FILIP1: variants seen among roughly 807,000 people sequenced by gnomAD.
The protein encoded by FILIP1 is filamin A interacting protein 1.
FILIP1 carries 61 observed loss-of-function variants against 102.1 expected under a neutral mutation model. The observed-to-expected ratio is 0.60, with a 90% CI of 0.49 to 0.74. The LOEUF is 0.74. Among genes scored for constraint, FILIP1 ranks in the 30% least tolerant of loss-of-function variants. The pLI, the probability that FILIP1 is intolerant of heterozygous loss-of-function variation, is 0.00. For synonymous variants in FILIP1, 491 were observed against 526.9 expected (o/e 0.93, Z 0.93); for missense variants, 1,314 against 1,441.2 (o/e 0.91, Z 1.43).
At chr6:75,353,165 C>G (rs191310106) in intron 4 of FILIP1, among the ~76,000 whole-genome samples, 1 of 151,496 alleles carries the variant, frequency 6.6e-6, no homozygotes, top group African/African-American at 2.4e-5. Context: ...TGTAACAAAC[C>G]TGCACGTTGT....
At chr6:75,384,726 T>C (rs1413719592) in intron 2 of FILIP1, 1 of 151,848 alleles carries the variant, frequency 6.6e-6, no homozygotes. Flanking sequence ...TCTAATTGGC[T>C]CCAAGCCTTA....
chr6:75,419,964 T>C (rs1044519497), intron 1 of FILIP1, among the ~76,000 whole-genome samples: 16 of 152,200 alleles, frequency 1.1e-4, no homozygotes, highest in African/African-American at 3.9e-4. Flanking sequence ...AAAATATTTG[T>C]TTTACTTCTA....
chr6:75,336,507 G>GA (rs529331422), intron 4 of FILIP1, among the ~76,000 whole-genome samples: 54 of 145,458 alleles, frequency 3.7e-4, no homozygotes, highest in African/African-American at 1.0e-3. Context: ...AAACCCATGT[G>GA]AAAAAAAAAA....
Position 75,296,265 on chromosome 6 carries a change from A to T in FILIP1, c.3494-315T>A, listed in dbSNP as rs1772665076. 2.0e-5 allele frequency among the ~76,000 whole-genome samples: 3 copies of T among 151,630 alleles called. No individual in the cohort carries two copies. The South Asian group carries it at 6.2e-4, about 31-fold the overall frequency. On this transcript the variant is annotated intron_variant, in intron 6 of 6. Transcript: ENST00000393004. Reference sequence around the variant, plus strand: ...TACAAACCCCTTAATGAGAAACCAGACTATTTCCTAGAAGTAACTCTAATC... The same window carrying T: ...TACAAACCCCTTAATGAGAAACCAGTCTATTTCCTAGAAGTAACTCTAATC...
chr6:75,441,888 A>G (rs1200779725), intron 1 of FILIP1, among the ~76,000 whole-genome samples: 8 of 109,712 alleles, frequency 7.3e-5, no homozygotes, highest in African/African-American at 2.9e-4. Flanking sequence ...CGGGGGGTAG[A>G]CCCCCCCACC....
intron 2 of FILIP1, among the ~76,000 whole-genome samples, chr6:75,393,873 C>T (rs148033027): frequency 7.2e-4 from 110 of 152,310 alleles, no homozygotes; most frequent in Middle Eastern, 3.4e-3. Flanking sequence ...AATTTCCTTT[C>T]TACTTTGTCC....
At chr6:75,445,617 ATTT>A (rs200129252) in intron 1 of FILIP1, among the ~76,000 whole-genome samples, 1 of 144,958 alleles carries the variant, frequency 6.9e-6, no homozygotes, top group Admixed American at 6.9e-5. Flanking sequence ...ACCACATTTA[ATTT>A]TTTTTTTTTT....
At chr6:75,377,279 ATT>A (rs1046041963) in intron 2 of FILIP1, among the ~76,000 whole-genome samples, 1 of 152,194 alleles carries the variant, frequency 6.6e-6, no homozygotes, top group Non-Finnish European at 1.5e-5. Context: ...ATGATTTGTG[ATT>A]TGTTAACTGC....
At chr6:75,306,487 T>C (rs973501875), downstream of FILIP1, among the ~76,000 whole-genome samples, 2 of 152,238 alleles carry the variant, frequency 1.3e-5, no homozygotes, top group Non-Finnish European at 2.9e-5. Context: ...CAATACGTTA[T>C]GGTACAGTAA....
chr6:75,378,427 G>A (rs894962530), intron 2 of FILIP1, among the ~76,000 whole-genome samples: 1 of 152,222 alleles, frequency 6.6e-6, no homozygotes, highest in Non-Finnish European at 1.5e-5. Flanking sequence ...GCCTCTGTTG[G>A]AAACATGCAC....
At chr6:75,364,346 G>T (rs1775262389) in intron 2 of FILIP1, among the ~76,000 whole-genome samples, 1 of 152,084 alleles carries the variant, frequency 6.6e-6, no homozygotes, top group Admixed American at 6.6e-5. Flanking sequence ...AGAAAAACGT[G>T]CCCACTTTAT....
At chr6:75,391,047 T>C (rs1447999050) in intron 2 of FILIP1, among the ~76,000 whole-genome samples, 3 of 152,004 alleles carry the variant, frequency 2.0e-5, no homozygotes, top group African/African-American at 7.3e-5. Context: ...TAATTTCAGG[T>C]CTCCAACATC....
intron 4 of FILIP1, among the ~76,000 whole-genome samples, chr6:75,341,318 A>G (rs1162488729): frequency 6.6e-6 from 1 of 150,718 alleles, no homozygotes; most frequent in African/African-American, 2.4e-5. Flanking sequence ...GTGCTGTAAC[A>G]CCTGGCTAAT....
At chr6:75,372,621 A>AAGAAAGAAAG (rs1554204813) in intron 2 of FILIP1, among the ~76,000 whole-genome samples, 1 of 42,230 alleles carries the variant, frequency 2.4e-5, no homozygotes. Context: ...GAAAGAAAGA[A>AAGAAAGAAAG]AAAGAAAGAA....
At chr6:75,401,149 G>A (rs1776644279) in intron 2 of FILIP1, among the ~76,000 whole-genome samples, 1 of 152,112 alleles carries the variant, frequency 6.6e-6, no homozygotes, top group African/African-American at 2.4e-5. Flanking sequence ...CAGTAGTCTG[G>A]TATCAACCCT....
intron 2 of FILIP1, among the ~76,000 whole-genome samples, chr6:75,378,964 C>A (rs1178497676): frequency 1.3e-5 from 2 of 152,088 alleles, no homozygotes; most frequent in Admixed American, 6.5e-5. Flanking sequence ...AAACACATGA[C>A]CCTCATTTCA....
At chr6:75,406,991 C>A (rs896370154) in intron 2 of FILIP1, among the ~76,000 whole-genome samples, 3 of 152,004 alleles carry the variant, frequency 2.0e-5, no homozygotes, top group African/African-American at 7.3e-5. Flanking sequence ...TAAGATCAAT[C>A]CATTTTGAAT....
chr6:75,404,298 A>T (rs1776760681), intron 2 of FILIP1, among the ~76,000 whole-genome samples: 1 of 152,116 alleles, frequency 6.6e-6, no homozygotes, highest in Non-Finnish European at 1.5e-5. Context: ...CAAATAGCTC[A>T]AATTCCAGTT....
chr6:75,308,032 C>T, downstream of FILIP1: 1 of 985,590 alleles, frequency 1.0e-6, no homozygotes, highest in Non-Finnish European at 1.2e-6. Context: ...TATGGAGGAG[C>T]TAAAACTTCT....
Sources: gnomAD v4.1 joint callset for allele counts (sites outside exome capture counted in the v4.1 genomes callset) on GRCh38, gnomAD v4.1.1 for gene constraint, MANE v1.5 for transcripts, NCBI Gene and HGNC (gene_info 2026-07-23, HGNC 2026-07-21) for gene names.